Variants in PDE7A observed in about 807,000 individuals in gnomAD.
The protein encoded by PDE7A is phosphodiesterase 7A.
In PDE7A, 39 loss-of-function variants were observed where a neutral mutation model predicts 64.3. That is an observed-to-expected ratio of 0.61 (90% CI 0.47 to 0.79). The LOEUF (loss-of-function observed/expected upper bound fraction) is 0.79. Ranked by LOEUF, PDE7A falls within the 30% of genes least tolerant of loss-of-function variation. PDE7A has a pLI of 0.00. For missense variants in PDE7A, 470 were observed against 582.8 expected (o/e 0.81, Z 1.99); for synonymous variants, 203 against 206.8 (o/e 0.98, Z 0.16).
intron 1 of PDE7A, among the ~76,000 whole-genome samples, chr8:65,828,147 G>A (rs771475476): frequency 1.3e-5 from 2 of 149,964 alleles, no homozygotes; most frequent in Non-Finnish European, 3.0e-5. Flanking sequence ...TATTTTCATT[G>A]TTTAAAAAAA....
At chr8:65,800,176 T>C (rs1175957259) in intron 1 of PDE7A, among the ~76,000 whole-genome samples, 1 of 152,170 alleles carries the variant, frequency 6.6e-6, no homozygotes, top group Non-Finnish European at 1.5e-5. Flanking sequence ...ACCTAACAGA[T>C]CCACTGGCAC....
intron 3 of PDE7A, among the ~76,000 whole-genome samples, chr8:65,770,121 C>CTGTG (rs10608556): frequency 0.025 from 3,636 of 146,496 alleles, 54 homozygotes; most frequent in African/African-American, 0.03. Flanking sequence ...CAGTATACTT[C>CTGTG]TGTGTGTGTG....
intron 3 of PDE7A, among the ~76,000 whole-genome samples, chr8:65,778,526 T>C (rs536755214): frequency 1.2e-4 from 18 of 152,246 alleles, no homozygotes; most frequent in African/African-American, 4.3e-4. Flanking sequence ...CAAGCCAAAC[T>C]TGATATATAC....
rs186569852 is a variant in PDE7A, at chr8:65,762,173, C to T, written c.284-14370G>A. On this transcript the variant is annotated intron_variant, in intron 3 of 12. Transcript: ENST00000401827. ...TCTAGGGCAAGGTCATGTTGAATGGCGCTGGTATTAAAACAAACCTGAAGA... is the reference window on the plus strand; with the variant it reads ...TCTAGGGCAAGGTCATGTTGAATGGTGCTGGTATTAAAACAAACCTGAAGA... Among the ~76,000 whole-genome samples, 266 of 152,222 alleles carry T rather than the reference C, an allele frequency of 1.7e-3. 1 individual carries two copies. Among genetic ancestry groups the T allele is most frequent in the African/African-American group, 5.5e-3 (230 of 41,532 alleles).
chr8:65,785,565 C>T (rs1809530786), intron 1 of PDE7A, among the ~76,000 whole-genome samples: 5 of 152,060 alleles, frequency 3.3e-5, no homozygotes, highest in Admixed American at 3.3e-4. Flanking sequence ...AATCCCCTCC[C>T]CAACATATTT....
At chr8:65,761,340 A>G (rs1423816273) in intron 3 of PDE7A, among the ~76,000 whole-genome samples, 1 of 152,198 alleles carries the variant, frequency 6.6e-6, no homozygotes, top group East Asian at 1.9e-4. Flanking sequence ...CTAGGATTAC[A>G]GGCATGAGCC....
intron 7 of PDE7A, chr8:65,727,508 A>T: frequency 1.9e-6 from 1 of 524,830 alleles, no homozygotes; most frequent in Non-Finnish European, 3.2e-6. Flanking sequence ...ATGATACAAC[A>T]GTGGCCCTGC....
intron 1 of PDE7A, among the ~76,000 whole-genome samples, chr8:65,795,440 G>T (rs529759458): frequency 6.6e-6 from 1 of 152,312 alleles, no homozygotes; most frequent in African/African-American, 2.4e-5. Flanking sequence ...GTCTGATGGT[G>T]GATCCCCTTG....
intron 1 of PDE7A, among the ~76,000 whole-genome samples, chr8:65,794,077 T>G (rs1410851240): frequency 6.6e-6 from 1 of 152,196 alleles, no homozygotes; most frequent in Non-Finnish European, 1.5e-5. Flanking sequence ...AATTTTAAAC[T>G]TTAAACTGAT....
In PDE7A at chr8:65,842,015, C is replaced by G. The variant is rs930436215; in HGVS notation, c.-507G>C. On this transcript the variant is annotated 5_prime_UTR_variant, in exon 1 of 13. Coordinates refer to ENST00000401827, the MANE Select transcript of PDE7A (RefSeq NM_001242318.3). ...CGCCGGAGTCCTGCTCCTCCCCTCC[C>G]CCGGAGCCTGACTTCACTCCGCCGC... 6.0e-5 allele frequency: 14 copies of G among 234,238 alleles called. No homozygotes were observed. Among genetic ancestry groups the G allele is most frequent in the Non-Finnish European group, 9.7e-5 (12 of 123,464 alleles). 14.5% of individuals were successfully genotyped at this position (234,238 alleles called of 1,614,324 possible).
chr8:65,797,749 A>T (rs1809877696), intron 1 of PDE7A, among the ~76,000 whole-genome samples: 1 of 152,180 alleles, frequency 6.6e-6, no homozygotes. Context: ...ATTCAGGGGA[A>T]AGTATAGTCT....
intron 3 of PDE7A, among the ~76,000 whole-genome samples, chr8:65,762,907 T>G (rs1237656125): frequency 1.3e-5 from 2 of 151,692 alleles, no homozygotes; most frequent in South Asian, 2.1e-4. Context: ...GAAGCTGAGG[T>G]GGGAGGATTG....
At chr8:65,737,579 ACTCT>A (rs1318529073) in intron 6 of PDE7A, among the ~76,000 whole-genome samples, 7 of 151,094 alleles carry the variant, frequency 4.6e-5, no homozygotes, top group South Asian at 2.1e-4. Flanking sequence ...ATCTCGGCTC[ACTCT>A]CTCTCTCTCA....
chr8:65,802,205 G>C (rs1339585023), intron 1 of PDE7A, among the ~76,000 whole-genome samples: 3 of 152,116 alleles, frequency 2.0e-5, no homozygotes, highest in Non-Finnish European at 2.9e-5. Context: ...TTGTTTAAGG[G>C]GTACAGAATT....
chr8:65,830,041 T>C (rs944758709), intron 1 of PDE7A, among the ~76,000 whole-genome samples: 2 of 151,994 alleles, frequency 1.3e-5, no homozygotes, highest in African/African-American at 4.8e-5. Flanking sequence ...TCTGTTTTCC[T>C]TTACTTCCAC....
At chr8:65,779,831 G>C in intron 2 of PDE7A, 28 bp from the exon 3 acceptor site, 1 of 1,412,938 alleles carries the variant, frequency 7.1e-7, no homozygotes, top group Non-Finnish European at 9.8e-7. Context: ...TAAAACATAA[G>C]TTTAGAAGGT....
intron 1 of PDE7A, among the ~76,000 whole-genome samples, chr8:65,830,559 G>T (rs973995246): frequency 6.6e-6 from 1 of 152,004 alleles, no homozygotes; most frequent in Non-Finnish European, 1.5e-5. Flanking sequence ...TAAAATAATT[G>T]AAATAAATCA....
intron 3 of PDE7A, among the ~76,000 whole-genome samples, chr8:65,772,051 G>C (rs925128580): frequency 2.0e-5 from 3 of 152,000 alleles, no homozygotes; most frequent in African/African-American, 7.2e-5. Flanking sequence ...GAATAGAATA[G>C]GCTATGTAAG....
intron 1 of PDE7A, among the ~76,000 whole-genome samples, chr8:65,803,568 T>A (rs1449727160): frequency 6.6e-6 from 1 of 152,222 alleles, no homozygotes; most frequent in Non-Finnish European, 1.5e-5. Flanking sequence ...ATGGCTGGAA[T>A]AGGTGGTGTT....
Sources: allele counts gnomAD v4.1 joint callset (sites outside exome capture counted in the v4.1 genomes callset), GRCh38; gene constraint gnomAD v4.1.1; transcripts MANE v1.5; gene names NCBI Gene and HGNC (gene_info 2026-07-23, HGNC 2026-07-21).